The following GPHN variants were observed in gnomAD, a reference collection of about 807,000 sequenced individuals.
The protein encoded by GPHN is gephyrin.
Under a neutral mutation model 95.5 loss-of-function variants are expected in GPHN, and 17 were observed. The observed-to-expected ratio is 0.18, with a 90% CI of 0.12 to 0.27. GPHN has a LOEUF of 0.27. GPHN is among the 10% of genes least tolerant of loss of function. The pLI is 1.00. For missense variants in GPHN, 660 were observed against 978.1 expected (o/e 0.67, Z 4.34); for synonymous variants, 320 against 322.5 (o/e 0.99, Z 0.08).
At chr14:66,790,876 G>A (rs2059946985) in intron 3 of GPHN, among the ~76,000 whole-genome samples, 1 of 152,224 alleles carries the variant, frequency 6.6e-6, no homozygotes, top group Non-Finnish European at 1.5e-5. Flanking sequence ...AGCTCTCCAT[G>A]TCCCATAATT....
chr14:66,626,221 A>G (rs2063521929), intron 1 of GPHN, among the ~76,000 whole-genome samples: 1 of 152,182 alleles, frequency 6.6e-6, no homozygotes, highest in South Asian at 2.1e-4. Flanking sequence ...GCTGAAATTT[A>G]TGTTCTATCT....
At chr14:67,015,040 G>T (rs1445920314) in intron 9 of GPHN, among the ~76,000 whole-genome samples, 2 of 152,158 alleles carry the variant, frequency 1.3e-5, no homozygotes, top group African/African-American at 4.8e-5. Context: ...GTGATAACCA[G>T]TTCTAAAGAA....
At chr14:67,496,399 T>TTTG in the GPHN span, among the ~76,000 whole-genome samples, 2 of 122,054 alleles carry the variant, frequency 1.6e-5, no homozygotes, top group African/African-American at 3.1e-5. Context: ...GCGTTTTTTT[T>TTTG]TTTTTTTTTT....
At chr14:67,519,821 C>T in the GPHN span, among the ~76,000 whole-genome samples, 1 of 151,778 alleles carries the variant, frequency 6.6e-6, no homozygotes, top group Non-Finnish European at 1.5e-5. Flanking sequence ...CTCCTAGGCT[C>T]AAGCGATTCT....
rs750415918 is a variant in GPHN at position 67,165,213 on chromosome 14, C to A, written c.1962C>A (p.Ile654=). The A allele has an allele frequency of 1.1e-5, 17 of 1,601,492 alleles. No individual in the cohort carries two copies. Among genetic ancestry groups the A allele is most frequent in the Non-Finnish European group, 1.5e-5 (17 of 1,168,684 alleles). Residue 654 remains isoleucine (I), a synonymous_variant, in exon 20 of 23, where the codon ATC becomes ATA. Transcript: ENST00000478722. ...TLDIDGVRKI[I]FALPGNPVSA... is the part of the protein sequence containing the mutation. Reference sequence around the variant, plus strand: ...ATATTGATGGTGTAAGAAAAATAATCTTTGCACTACCTGGTAAGAATAACA... The same window carrying A: ...ATATTGATGGTGTAAGAAAAATAATATTTGCACTACCTGGTAAGAATAACA...
the GPHN span, among the ~76,000 whole-genome samples, chr14:67,659,061 T>C: frequency 3.3e-5 from 5 of 152,254 alleles, no homozygotes; most frequent in African/African-American, 1.2e-4. Context: ...TCAGACGTTT[T>C]ATTCCTTTAA....
chr14:67,505,854 C>T, the GPHN span, among the ~76,000 whole-genome samples: 303 of 152,242 alleles, frequency 2.0e-3, 4 homozygotes, highest in Non-Finnish European at 2.4e-3. Context: ...CGCCCGCCAC[C>T]ATGCCTATCT....
the GPHN span, chr14:67,562,680 C>G: frequency 3.1e-6 from 5 of 1,612,340 alleles, no homozygotes; most frequent in African/African-American, 5.3e-5. Context: ...AACATTGAGA[C>G]TGAGGCCTTC....
chr14:66,998,541 C>G (rs1455538875), intron 9 of GPHN, among the ~76,000 whole-genome samples: 2 of 152,088 alleles, frequency 1.3e-5, no homozygotes, highest in African/African-American at 2.4e-5. Flanking sequence ...TTGGAAACCT[C>G]TTGACAGGAT....
chr14:66,892,767 G>A (rs1421400569), intron 5 of GPHN, among the ~76,000 whole-genome samples: 1 of 152,162 alleles, frequency 6.6e-6, no homozygotes, highest in Non-Finnish European at 1.5e-5. Context: ...AGAAGAGAAT[G>A]GAGAGTTTTT....
chr14:67,500,222 T>A, the GPHN span, among the ~76,000 whole-genome samples: 1 of 152,022 alleles, frequency 6.6e-6, no homozygotes, highest in African/African-American at 2.4e-5. Flanking sequence ...ATACCTGTAA[T>A]CCCAGCACTT....
At chr14:67,423,633 C>T in the GPHN span, among the ~76,000 whole-genome samples, 1 of 152,162 alleles carries the variant, frequency 6.6e-6, no homozygotes, top group Non-Finnish European at 1.5e-5. Context: ...TGCGGCAAAC[C>T]TTGGCACAGT....
chr14:67,378,089 C>G, the GPHN span, among the ~76,000 whole-genome samples: 1 of 151,352 alleles, frequency 6.6e-6, no homozygotes, highest in African/African-American at 2.4e-5. Context: ...CACCACTGCA[C>G]TCTAGTCTGG....
the GPHN span, among the ~76,000 whole-genome samples, chr14:67,607,402 C>T: frequency 1.3e-5 from 2 of 152,094 alleles, no homozygotes; most frequent in African/African-American, 4.8e-5. Flanking sequence ...GAGTCTTGCT[C>T]TGTCACCAGG....
the GPHN span, among the ~76,000 whole-genome samples, chr14:67,567,138 T>TCGTGTTC: frequency 2.0e-5 from 3 of 151,890 alleles, no homozygotes; most frequent in Non-Finnish European, 4.4e-5. Flanking sequence ...GCATGATCAC[T>TCGTGTTC]CGTGTTCCGT....
At chr14:67,598,043 AT>A in the GPHN span, among the ~76,000 whole-genome samples, 2 of 152,176 alleles carry the variant, frequency 1.3e-5, no homozygotes, top group African/African-American at 4.8e-5. Context: ...TACTATCTGC[AT>A]TTTTTTCAAC....
intron 2 of GPHN, among the ~76,000 whole-genome samples, chr14:66,743,699 G>A (rs371726230): frequency 2.6e-5 from 4 of 152,282 alleles, no homozygotes; most frequent in East Asian, 3.9e-4. Context: ...CGGAGATCGC[G>A]CCACTGCACT....
the GPHN span, chr14:67,727,455 T>G: frequency 2.3e-6 from 1 of 444,264 alleles, no homozygotes; most frequent in Non-Finnish European, 4.1e-6. Context: ...AGTAGCTTTT[T>G]GCAACAGACA....
intron 4 of GPHN, among the ~76,000 whole-genome samples, chr14:66,829,376 C>CA (rs1179993435): frequency 6.6e-6 from 1 of 152,148 alleles, no homozygotes; most frequent in Non-Finnish European, 1.5e-5. Flanking sequence ...GCATGAACCA[C>CA]TGTGCCTGGC....
Sources: gnomAD v4.1 joint callset for allele counts (sites outside exome capture counted in the v4.1 genomes callset) on GRCh38, gnomAD v4.1.1 for gene constraint, MANE v1.5 for transcripts, NCBI Gene and HGNC (gene_info 2026-07-23, HGNC 2026-07-21) for gene names.